Variants in PTP4A3 observed in about 807,000 individuals in gnomAD.
PTP4A3 encodes protein tyrosine phosphatase type IVA 3.
PTP4A3 carries 9 observed loss-of-function variants against 15.2 expected under a neutral mutation model. That is an observed-to-expected ratio of 0.59 (90% confidence interval 0.36 to 1.03). The LOEUF (loss-of-function observed/expected upper bound fraction) is 1.03. PTP4A3 is among the 50% of genes least tolerant of loss of function. PTP4A3 has a pLI of 0.02. For synonymous variants in PTP4A3, 95 were observed against 102.0 expected (o/e 0.93, Z 0.41); for missense variants, 234 against 252.1 (o/e 0.93, Z 0.49).
At position 141,428,035 on chromosome 8, in the gene PTP4A3, G is replaced by C. The variant is rs879249113; in HGVS notation, c.404+211G>C. Reference sequence around the variant, plus strand: ...CCCGAGTGACCATGCAGCCACACAGGGACACAGCGAGGCCACCCGCCACGC... The same window carrying C: ...CCCGAGTGACCATGCAGCCACACAGCGACACAGCGAGGCCACCCGCCACGC... On this transcript the variant is annotated intron_variant, in intron 5 of 5. Transcript: ENST00000521578. Among the ~76,000 whole-genome samples the C allele has an allele frequency of 2.6e-5, 4 of 152,148 alleles. No individual in the cohort carries two copies. The South Asian group carries it at 8.3e-4, about 32-fold the overall frequency.
In PTP4A3 at chr8:141,431,218, C is replaced by T. The variant is rs1417940077; in HGVS notation, c.*174C>T. Reference sequence around the variant, plus strand: ...CACTTGTGTCCGAGGAGCGAGGAGCCCCTCGGGCCCTGGGTGGCCTCTGGG... The same window carrying T: ...CACTTGTGTCCGAGGAGCGAGGAGCTCCTCGGGCCCTGGGTGGCCTCTGGG... On this transcript the variant is annotated 3_prime_UTR_variant, in exon 6 of 6. Transcript: ENST00000521578. The T allele has an allele frequency of 4.8e-6, 3 of 627,662 alleles. No homozygotes were observed. The highest frequency in any genetic ancestry group is 5.9e-5 in the Admixed American group (2 of 34,042). The allele number at this position is 627,662 out of a possible 1,614,324, so 38.9% of individuals were successfully genotyped here.
At chr8:141,398,883 G>A (rs940346574) in intron 1 of PTP4A3, among the ~76,000 whole-genome samples, 3 of 152,012 alleles carry the variant, frequency 2.0e-5, no homozygotes, top group African/African-American at 4.8e-5. Flanking sequence ...CTGTTCCCAC[G>A]GCCTCGTCCT....
rs201532208 is a variant in PTP4A3, at chr8:141,422,221, C to T, written c.-20C>T. On this transcript the variant is annotated 5_prime_UTR_variant, in exon 2 of 6. Transcript: ENST00000521578. ...TTCTCTGCAGTCCCTTCTGCCCTGC[C>T]GGGCCCGTCGGGAGGCGCCATGGCT... The T allele has an allele frequency of 1.3e-4, 207 of 1,612,502 alleles. 1 individual carries two copies. Among genetic ancestry groups the T allele is most frequent in the Middle Eastern group, 3.3e-4 (2 of 6,060 alleles).
chr8:141,409,425 A>C (rs1832810641), intron 1 of PTP4A3, among the ~76,000 whole-genome samples: 2 of 151,960 alleles, frequency 1.3e-5, no homozygotes, highest in Non-Finnish European at 2.9e-5. Flanking sequence ...CCATCTGTGG[A>C]CCCGGCACCC....
chr8:141,408,062 C>T (rs1425178099), intron 1 of PTP4A3, among the ~76,000 whole-genome samples: 9 of 152,176 alleles, frequency 5.9e-5, no homozygotes, highest in African/African-American at 1.9e-4. Context: ...ACTCAGGCTG[C>T]GCCGTGGCTG....
rs991529241 is a variant in PTP4A3, at chr8:141,432,149, A to G, written c.*1105A>G. ...CCCCAGCGGGGAGGAAGGTGGGCCT[A>G]GGGCTGGCTCCAGGGTGTGGAGAGC... On this transcript the variant is annotated 3_prime_UTR_variant, in exon 6 of 6. Coordinates refer to ENST00000521578, the MANE Select transcript of PTP4A3 (RefSeq NM_032611.3). 6.6e-6 allele frequency: 1 copy of G among 152,214 alleles called. No homozygotes were observed. The highest frequency in any genetic ancestry group is 2.4e-5 in the African/African-American group (1 of 41,386). The allele number at this position is 152,214 out of a possible 1,614,324, so 9.4% of individuals were successfully genotyped here.
chr8:141,402,888 C>T (rs971356724), intron 1 of PTP4A3, among the ~76,000 whole-genome samples: 37 of 152,156 alleles, frequency 2.4e-4, no homozygotes, highest in Admixed American at 5.2e-4. Context: ...GGGCCTTTGG[C>T]GGATCCAGGT....
At chr8:141,399,935 CT>C (rs1832543601) in intron 1 of PTP4A3, among the ~76,000 whole-genome samples, 1 of 152,248 alleles carries the variant, frequency 6.6e-6, no homozygotes, top group African/African-American at 2.4e-5. Context: ...GAGACGGAGT[CT>C]CACCCTGTTG....
chr8:141,416,594 G>C (rs1266135197), intron 1 of PTP4A3, among the ~76,000 whole-genome samples: 3 of 152,126 alleles, frequency 2.0e-5, no homozygotes, highest in African/African-American at 7.2e-5. Flanking sequence ...TGTGGAGCTG[G>C]GTGCACCCAC....
intron 1 of PTP4A3, among the ~76,000 whole-genome samples, chr8:141,418,508 G>A (rs1434469389): frequency 6.6e-6 from 1 of 152,106 alleles, no homozygotes; most frequent in Non-Finnish European, 1.5e-5. Flanking sequence ...TCCTCATCTC[G>A]CAAACAGGGA....
intron 2 of PTP4A3, among the ~76,000 whole-genome samples, chr8:141,424,537 C>T (rs1370226715): frequency 5.3e-5 from 8 of 152,146 alleles, no homozygotes; most frequent in Admixed American, 1.3e-4. Context: ...GGGGCTCACA[C>T]GTGGGCTGGG....
intron 1 of PTP4A3, among the ~76,000 whole-genome samples, chr8:141,396,432 G>T (rs549409547): frequency 1.8e-4 from 27 of 152,284 alleles, no homozygotes; most frequent in East Asian, 5.8e-4. Flanking sequence ...TTGGGTGATG[G>T]TGCCAGTGGG....
At chr8:141,394,941 G>A (rs1215362530) in intron 1 of PTP4A3, among the ~76,000 whole-genome samples, 1 of 152,272 alleles carries the variant, frequency 6.6e-6, no homozygotes, top group African/African-American at 2.4e-5. Flanking sequence ...GCGGCCCAGA[G>A]TGTGCCCCAC....
chr8:141,427,697 G>T, intron 4 of PTP4A3, 53 bp from the exon 5 acceptor site: 1 of 1,470,224 alleles, frequency 6.8e-7, no homozygotes, highest in East Asian at 2.5e-5. Flanking sequence ...GCCCTGCCAA[G>T]GGGACAGGGG....
At chr8:141,430,128 T>G (rs556884525) in intron 5 of PTP4A3, among the ~76,000 whole-genome samples, 4 of 101,998 alleles carry the variant, frequency 3.9e-5, no homozygotes, top group African/African-American at 4.4e-5. Context: ...CAGCCCAGGT[T>G]TCCGCTGTAA....
At chr8:141,393,004 TA>T (rs1832335335) in intron 1 of PTP4A3, among the ~76,000 whole-genome samples, 1 of 152,172 alleles carries the variant, frequency 6.6e-6, no homozygotes, top group East Asian at 1.9e-4. Flanking sequence ...GGCATCCACC[TA>T]GTCTGTGGAC....
chr8:141,404,338 G>A (rs1563726249), intron 1 of PTP4A3, among the ~76,000 whole-genome samples: 1 of 152,266 alleles, frequency 6.6e-6, no homozygotes, highest in African/African-American at 2.4e-5. Context: ...CCCCTTTCAG[G>A]GGGTTGGGGT....
chr8:141,420,562 CATG>C (rs1833283156), intron 1 of PTP4A3, among the ~76,000 whole-genome samples: 1 of 152,208 alleles, frequency 6.6e-6, no homozygotes, highest in African/African-American at 2.4e-5. Context: ...AGGGCCCTGT[CATG>C]GTGTGAACCC....
chr8:141,396,650 G>A (rs1411151250), intron 1 of PTP4A3, among the ~76,000 whole-genome samples: 1 of 152,184 alleles, frequency 6.6e-6, no homozygotes. Context: ...AAAGGGCACC[G>A]CTGATGATTT....
Sources: allele counts gnomAD v4.1 joint callset (sites outside exome capture counted in the v4.1 genomes callset), GRCh38; gene constraint gnomAD v4.1.1; transcripts MANE v1.5; gene names NCBI Gene and HGNC (gene_info 2026-07-23, HGNC 2026-07-21).